Variants in ST6GAL2 observed in about 807,000 individuals in gnomAD.
ST6GAL2 encodes ST6 beta-galactoside alpha-2,6-sialyltransferase 2.
ST6GAL2 carries 24 observed loss-of-function variants against 37.5 expected under a neutral mutation model. The ratio of observed to expected loss-of-function variants is 0.64; its 90% CI spans 0.46 to 0.90. The LOEUF (loss-of-function observed/expected upper bound fraction) is 0.90, where lower values mean the gene tolerates loss of function less well. ST6GAL2 is among the 40% of genes least tolerant of loss of function. The probability of loss-of-function intolerance (pLI) is 0.00; values close to 1 mark genes in which losing one functional copy is unlikely to be tolerated. For missense variants in ST6GAL2, 715 were observed against 712.7 expected, an observed-to-expected ratio of 1.00 and a Z score of -0.04; for synonymous variants, 306 against 295.1, an observed-to-expected ratio of 1.04 and a Z score of -0.38.
intron 1 of ST6GAL2, among the ~76,000 whole-genome samples, chr2:106,875,752 G>T (rs1260452707): frequency 6.6e-6 from 1 of 152,258 alleles, no homozygotes; most frequent in South Asian, 2.1e-4. Context: ...TCTCCTAAGA[G>T]AATCTAATTA....
intron 1 of ST6GAL2, among the ~76,000 whole-genome samples, chr2:106,857,074 T>C (rs1340167278): frequency 6.6e-6 from 1 of 152,206 alleles, no homozygotes; most frequent in African/African-American, 2.4e-5. Context: ...AGCTGTTTGC[T>C]TTGCAAGGCT....
In ST6GAL2 at chr2:106,806,550, T is replaced by A; in HGVS notation, c.*128A>T. On this transcript the variant is annotated 3_prime_UTR_variant, in exon 6 of 6. Transcript: ENST00000409382. ...TGGCTTAGAAAGAGAAGGATTATCA[T>A]GACCACCACTAAATTACTGTTTAAA... is the stretch of plus-strand genomic sequence containing the variant. 2.9e-6 allele frequency: 3 copies of A among 1,021,530 alleles called. No homozygotes were observed. The highest frequency in any genetic ancestry group is 4.3e-6 in the Non-Finnish European group (3 of 694,028). The allele number at this position is 1,021,530 out of a possible 1,614,324, so 63.3% of individuals were successfully genotyped here.
chr2:106,861,544 G>A (rs1291657222), intron 1 of ST6GAL2, among the ~76,000 whole-genome samples: 1 of 152,000 alleles, frequency 6.6e-6, no homozygotes, highest in Non-Finnish European at 1.5e-5. Flanking sequence ...GGAAATAACT[G>A]GTGAAGTCTT....
At chr2:106,829,731 T>C (rs1425307359) in intron 5 of ST6GAL2, among the ~76,000 whole-genome samples, 1 of 152,106 alleles carries the variant, frequency 6.6e-6, no homozygotes, top group African/African-American at 2.4e-5. Context: ...AAGCCACCTG[T>C]TAATGGCTCT....
chr2:106,882,896 G>A (rs73952405), intron 1 of ST6GAL2, among the ~76,000 whole-genome samples: 4,794 of 152,284 alleles, frequency 0.031, 158 homozygotes, highest in African/African-American at 0.083. Context: ...GAAGTCCTCC[G>A]CAGTGGGCAG....
intron 1 of ST6GAL2, among the ~76,000 whole-genome samples, chr2:106,883,833 A>C (rs1040929461): frequency 6.6e-6 from 1 of 152,340 alleles, no homozygotes; most frequent in South Asian, 2.1e-4. Flanking sequence ...TATCATGCAT[A>C]AGATATTTTT....
intron 1 of ST6GAL2, among the ~76,000 whole-genome samples, chr2:106,873,849 C>G (rs969778273): frequency 2.0e-5 from 3 of 152,190 alleles, no homozygotes; most frequent in Admixed American, 2.0e-4. Context: ...AATGGCCCAT[C>G]TGGGCCATGG....
chr2:106,833,929 T>C (rs1452876572), intron 3 of ST6GAL2, 120 bp downstream of exon 3: 10 of 641,702 alleles, frequency 1.6e-5, no homozygotes, highest in East Asian at 2.7e-5. Flanking sequence ...AATAAACAAG[T>C]ACCACGGTCA....
chr2:106,866,726 G>A (rs1678041310), intron 1 of ST6GAL2, among the ~76,000 whole-genome samples: 1 of 152,194 alleles, frequency 6.6e-6, no homozygotes. Flanking sequence ...TGACACAGAA[G>A]GAAATCCCTG....
intron 5 of ST6GAL2, among the ~76,000 whole-genome samples, chr2:106,815,288 T>C (rs1298447414): frequency 6.6e-6 from 1 of 152,204 alleles, no homozygotes. Context: ...CCTGGGAATT[T>C]ATCTTAAGGA....
At chr2:106,879,297 A>T (rs1678643639) in intron 1 of ST6GAL2, among the ~76,000 whole-genome samples, 1 of 152,206 alleles carries the variant, frequency 6.6e-6, no homozygotes, top group Non-Finnish European at 1.5e-5. Context: ...CAAAGTGTAG[A>T]GTGAAGCAAG....
chr2:106,869,331 A>C (rs773094664), intron 1 of ST6GAL2, among the ~76,000 whole-genome samples: 9 of 152,190 alleles, frequency 5.9e-5, no homozygotes, highest in Non-Finnish European at 1.2e-4. Flanking sequence ...TTCCATTGAG[A>C]TATTTGGACA....
At chr2:106,886,297 G>C (rs909844840), upstream of ST6GAL2, 1 of 152,210 alleles carries the variant, frequency 6.6e-6, no homozygotes, top group South Asian at 2.1e-4. Flanking sequence ...CTCACGCCGC[G>C]GAACTTGGGG....
intron 3 of ST6GAL2, among the ~76,000 whole-genome samples, 183 bp from the exon 4 acceptor site, chr2:106,832,849 G>C (rs1399357682): frequency 6.6e-6 from 1 of 152,116 alleles, no homozygotes; most frequent in East Asian, 1.9e-4. Context: ...AATGTTTGAG[G>C]AAATTACTTT....
chr2:106,850,951 G>C (rs1677334942), intron 1 of ST6GAL2, among the ~76,000 whole-genome samples: 1 of 152,096 alleles, frequency 6.6e-6, no homozygotes, highest in African/African-American at 2.4e-5. Context: ...GGCACCAATG[G>C]GACAGTGCTC....
At chr2:106,874,936 A>C (rs1367029137) in intron 1 of ST6GAL2, among the ~76,000 whole-genome samples, 5 of 152,200 alleles carry the variant, frequency 3.3e-5, no homozygotes, top group African/African-American at 1.2e-4. Context: ...CGCTGTGTCA[A>C]CTTTGGCTGC....
rs12473361 is a variant in ST6GAL2, at chr2:106,844,018, T to C, written c.-41A>G. ...TCAGCACCTTGTGTCTTAATGCAGA[T>C]GGGTGGCAGAATGAACCTGAAAAAC... On this transcript the variant is annotated 5_prime_UTR_variant, in exon 2 of 6. Transcript: ENST00000409382. 6.0e-6 allele frequency: 9 copies of C among 1,494,726 alleles called. No individual in the cohort carries two copies. The highest frequency in any genetic ancestry group is 1.4e-5 in the African/African-American group (1 of 71,594). 92.6% of individuals were successfully genotyped at this position (1,494,726 alleles called of 1,614,324 possible).
intron 5 of ST6GAL2, among the ~76,000 whole-genome samples, chr2:106,814,677 G>A (rs1675733932): frequency 1.3e-5 from 2 of 152,162 alleles, no homozygotes; most frequent in African/African-American, 2.4e-5. Context: ...CTGCTGGTGT[G>A]CCTGGATGCC....
intron 1 of ST6GAL2, among the ~76,000 whole-genome samples, chr2:106,880,007 T>C (rs562887196): frequency 2.0e-5 from 3 of 149,252 alleles, no homozygotes; most frequent in Admixed American, 6.7e-5. Flanking sequence ...TATACTATTA[T>C]AGACCAATTA....
Sources: allele counts gnomAD v4.1 joint callset (sites outside exome capture counted in the v4.1 genomes callset), GRCh38; gene constraint gnomAD v4.1.1; transcripts MANE v1.5; gene names NCBI Gene and HGNC (gene_info 2026-07-23, HGNC 2026-07-21).